The following IL6R variants were observed in gnomAD, a reference collection of about 807,000 sequenced individuals.
IL6R encodes the protein interleukin 6 receptor.
Under a neutral mutation model 48.3 loss-of-function variants are expected in IL6R, and 38 were observed. The ratio of observed to expected loss-of-function variants is 0.79; its 90% CI spans 0.61 to 1.03. The LOEUF is 1.03. IL6R is among the 50% of genes least tolerant of loss of function. The pLI is 0.00. For synonymous variants in IL6R, 264 were observed against 256.2 expected (o/e 1.03, Z -0.29); for missense variants, 534 against 618.3 (o/e 0.86, Z 1.45).
At chr1:154,445,217 A>C (rs1248424344) in intron 6 of IL6R, 1 of 414,426 alleles carries the variant, frequency 2.4e-6, no homozygotes, top group Non-Finnish European at 4.9e-6. Context: ...GGTGTGAAGT[A>C]GGGTCCCCTT....
In IL6R at chr1:154,405,445, CGG is replaced by C. The variant is rs1687644333; in HGVS notation, c.-184_-183del. ...GGGCCAGAGGGAGAGGAGCCGAGCG[CGG>C]CGCGGGGCCGAGGGACTCGCAGTGT... On this transcript the variant is annotated 5_prime_UTR_variant, in exon 1 of 10. An upstream open reading frame in the 5' UTR loses its in-frame stop. Coordinates refer to ENST00000368485, the MANE Select transcript of IL6R (RefSeq NM_000565.4). This position sits in a 1 kb window ranked among gnomAD's most constrained non-coding sequence, Gnocchi z 5.2. 2 of 553,960 alleles carry C rather than the reference CGG, an allele frequency of 3.6e-6. No individual in the cohort carries two copies. The highest frequency in any genetic ancestry group is 6.2e-6 in the Non-Finnish European group (2 of 323,168). The allele number at this position is 553,960 out of a possible 1,614,324, so 34.3% of individuals were successfully genotyped here.
At chr1:154,440,729 A>C (rs924175680) in intron 6 of IL6R, among the ~76,000 whole-genome samples, 1 of 144,622 alleles carries the variant, frequency 6.9e-6, no homozygotes, top group Admixed American at 7.5e-5. Context: ...ATCTTGGCTC[A>C]CTGTAACCTC....
At chr1:154,462,914 TCTC>T (rs1691350666) in intron 9 of IL6R, among the ~76,000 whole-genome samples, 1 of 151,928 alleles carries the variant, frequency 6.6e-6, no homozygotes, top group Non-Finnish European at 1.5e-5. Context: ...TTCAAGCAAT[TCTC>T]CTGCGTCAGC....
intron 8 of IL6R, among the ~76,000 whole-genome samples, chr1:154,451,499 C>T (rs969047847): frequency 6.6e-6 from 1 of 152,076 alleles, no homozygotes; most frequent in Non-Finnish European, 1.5e-5. Flanking sequence ...GCCTGGGCCA[C>T]AGAGTGAGAT....
At chr1:154,414,672 C>T (rs1035057693) in intron 1 of IL6R, 9 of 856,846 alleles carry the variant, frequency 1.1e-5, no homozygotes, top group South Asian at 4.2e-5. Context: ...GGATGTTACC[C>T]TTGGCCAGGA....
At chr1:154,442,881 C>T (rs754083995) in intron 6 of IL6R, among the ~76,000 whole-genome samples, 25 of 152,182 alleles carry the variant, frequency 1.6e-4, no homozygotes, top group Non-Finnish European at 3.2e-4. Context: ...TGAACTCCTG[C>T]CTCAGCCTCT....
intron 9 of IL6R, among the ~76,000 whole-genome samples, chr1:154,459,595 A>G (rs543636985): frequency 3.3e-5 from 5 of 152,176 alleles, no homozygotes; most frequent in Admixed American, 3.3e-4. Flanking sequence ...ATGGCCCTAA[A>G]TCTTTTTCCA....
chr1:154,418,316 G>T (rs767027224), intron 1 of IL6R: 1 of 551,950 alleles, frequency 1.8e-6, no homozygotes, highest in Non-Finnish European at 2.3e-6. Flanking sequence ...CGCGCACGTG[G>T]GTCTCTGAGT....
chr1:154,405,529 G>GACCCCCC lies in IL6R; in HGVS notation c.-101_-100insACCCCCC. On this transcript the variant is annotated 5_prime_UTR_variant, in exon 1 of 10. Coordinates refer to ENST00000368485, the MANE Select transcript of IL6R (RefSeq NM_000565.4). The surrounding 1 kb of genome is among the most constrained non-coding windows in gnomAD (Gnocchi z 5.2). ...CTGCCCCCGGGGCCTGAGCCCGCCTGCCCGCCCACCGCCCCGCCCCGCCCC... is the reference window on the plus strand; with the variant it reads ...CTGCCCCCGGGGCCTGAGCCCGCCTGACCCCCCCCCGCCCACCGCCCCGCCCCGCCCC... 2.6e-6 allele frequency: 1 copy of GACCCCCC among 388,508 alleles called. No homozygotes were observed. The highest frequency in any genetic ancestry group is 4.7e-6 in the Non-Finnish European group (1 of 214,592). 24.1% of individuals were successfully genotyped at this position (388,508 alleles called of 1,614,324 possible).
Position 154,434,568 on chromosome 1 carries a change from G to GAGTCCCAGA in IL6R, c.512_520dup (p.Ser171_Lys173dup). 1 of 1,614,070 alleles carries GAGTCCCAGA rather than the reference G, an allele frequency of 6.2e-7. No homozygotes were observed. The highest frequency in any genetic ancestry group is 8.5e-7 in the Non-Finnish European group (1 of 1,180,024). The stretch of plus-strand genomic sequence containing the variant: ...CCAGGAGCCGTGCCAGTATTCCCAG[G>GAGTCCCAGA]AGTCCCAGAAGTTCTCCTGCCAGTT... On this transcript the variant is annotated inframe_insertion, in exon 4 of 10. Coordinates refer to ENST00000368485, the MANE Select transcript of IL6R (RefSeq NM_000565.4).
chr1:154,414,546 G>A (rs1570923440), intron 1 of IL6R: 1 of 756,112 alleles, frequency 1.3e-6, no homozygotes, highest in East Asian at 2.9e-5. Context: ...TTGAAGAAGA[G>A]GATCTGGTGG....
intron 9 of IL6R, among the ~76,000 whole-genome samples, chr1:154,462,000 G>A (rs1026780933): frequency 4.6e-5 from 7 of 152,178 alleles, no homozygotes; most frequent in African/African-American, 9.7e-5. Context: ...GGATCCTAAT[G>A]TCAGAAATCC....
At chr1:154,437,123 G>T (rs560715550) in intron 6 of IL6R, among the ~76,000 whole-genome samples, 1 of 152,168 alleles carries the variant, frequency 6.6e-6, no homozygotes, top group Admixed American at 6.6e-5. Context: ...TTGAGACGGA[G>T]TCTCACTCTG....
chr1:154,453,142 C>T, intron 8 of IL6R, among the ~76,000 whole-genome samples: 1 of 151,986 alleles, frequency 6.6e-6, no homozygotes, highest in East Asian at 1.9e-4. Flanking sequence ...GAGGCGGAGG[C>T]TGCAGTGAGC....
At chr1:154,436,171 A>T in intron 6 of IL6R, 61 bp downstream of exon 6, 3 of 1,527,488 alleles carry the variant, frequency 2.0e-6, no homozygotes, top group Admixed American at 1.8e-5. Context: ...TCAGGTATCC[A>T]TTGCTATGTG....
chr1:154,453,295 C>G (rs149654397), intron 8 of IL6R, among the ~76,000 whole-genome samples: 1 of 152,350 alleles, frequency 6.6e-6, no homozygotes, highest in East Asian at 1.9e-4. Context: ...AGCTGCATCT[C>G]TCAAGAGACA....
chr1:154,412,906 T>C (rs1437625512), intron 1 of IL6R, among the ~76,000 whole-genome samples: 1 of 151,774 alleles, frequency 6.6e-6, no homozygotes, highest in Admixed American at 6.6e-5. Flanking sequence ...TGTAGACCCC[T>C]GCTCCTGTGG....
chr1:154,434,508 G>C lies in IL6R; in HGVS notation c.459-11G>C, dbSNP rs972726048. 3 of 1,609,532 alleles carry C rather than the reference G, an allele frequency of 1.9e-6. No individual in the cohort carries two copies. The highest frequency in any genetic ancestry group is 1.7e-5 in the Admixed American group (1 of 59,252). On this transcript the variant is annotated splice_polypyrimidine_tract_variant and intron_variant, in intron 3 of 9. Transcript: ENST00000368485. The stretch of plus-strand genomic sequence containing the variant: ...GACAGGCAAGCCCTGCCCTTGTTTT[G>C]TGTCTAACAGTCAGAACAGTCCGGC...
chr1:154,450,808 C>T (rs950167344), intron 8 of IL6R, among the ~76,000 whole-genome samples: 4 of 152,252 alleles, frequency 2.6e-5, no homozygotes, highest in East Asian at 1.9e-4. Context: ...TCTTGGGCTT[C>T]GTGAGGCAGT....
Sources: gnomAD v4.1 joint callset for allele counts (sites outside exome capture counted in the v4.1 genomes callset) on GRCh38, gnomAD v4.1.1 for gene constraint, Gnocchi (gnomAD v3.1) non-coding constraint, MANE v1.5 for transcripts, NCBI Gene and HGNC (gene_info 2026-07-23, HGNC 2026-07-21) for gene names.